Variants in TMEM181 observed in about 807,000 individuals in gnomAD.
TMEM181 encodes G protein-coupled receptor 178.
TMEM181 carries 39 observed loss-of-function variants against 71.9 expected under a neutral mutation model. That is an observed-to-expected ratio of 0.54 (90% CI 0.42 to 0.71). The LOEUF (loss-of-function observed/expected upper bound fraction) is 0.71. TMEM181 is among the 30% of genes least tolerant of loss of function. The probability of loss-of-function intolerance (pLI) is 0.00; values close to 1 mark genes in which losing one functional copy is unlikely to be tolerated. For missense variants in TMEM181, 595 were observed against 583.0 expected (o/e 1.02, Z -0.21); for synonymous variants, 245 against 228.8 (o/e 1.07, Z -0.64).
At chr6:158,556,125 A>T (rs1781876412), upstream of TMEM181, among the ~76,000 whole-genome samples, 1 of 152,214 alleles carries the variant, frequency 6.6e-6, no homozygotes, top group Admixed American at 6.5e-5. Context: ...CAGAAAAGAC[A>T]AAAAAGTCTT....
chr6:158,628,743 C>T (rs565055155), intron 14 of TMEM181, among the ~76,000 whole-genome samples: 35 of 152,316 alleles, frequency 2.3e-4, no homozygotes, highest in African/African-American at 7.0e-4. Context: ...TGGCAGAGCC[C>T]GGCTCCAAAC....
Position 158,611,707 on chromosome 6 carries a change from G to A in TMEM181, c.896+2957G>A, listed in dbSNP as rs187474275. The A allele has an allele frequency of 2.1e-5, 5 of 238,940 alleles. 1 individual carries two copies. The highest frequency in any genetic ancestry group is 1.2e-4 in the East Asian group (1 of 8,356). 14.8% of individuals were successfully genotyped at this position (238,940 alleles called of 1,614,324 possible). A position where few individuals can be genotyped will look rare whatever the true frequency, so the allele number is the denominator to read the frequency against. ...CCCACACCTGTGCCCGAGGAATGCCGGGGAGGAATGTAAGAGTTAAAGAAA... is the reference window on the plus strand; with the variant it reads ...CCCACACCTGTGCCCGAGGAATGCCAGGGAGGAATGTAAGAGTTAAAGAAA... On this transcript the variant is annotated intron_variant, in intron 10 of 16. Coordinates refer to ENST00000684151, the MANE Select transcript of TMEM181 (RefSeq NM_001376852.1).
intron 6 of TMEM181, among the ~76,000 whole-genome samples, chr6:158,595,800 A>G (rs1784356247): frequency 6.6e-6 from 1 of 152,198 alleles, no homozygotes; most frequent in African/African-American, 2.4e-5. Flanking sequence ...GGGAGCATCA[A>G]GCGGGGGGCT....
intron 13 of TMEM181, among the ~76,000 whole-genome samples, chr6:158,627,323 G>A (rs1238492418): frequency 1.3e-5 from 2 of 152,184 alleles, no homozygotes; most frequent in Non-Finnish European, 2.9e-5. Flanking sequence ...GGTGTTAGGG[G>A]ACTCATTTAT....
intron 1 of TMEM181, among the ~76,000 whole-genome samples, chr6:158,553,053 T>G (rs1289000982): frequency 5.3e-5 from 8 of 151,824 alleles, no homozygotes; most frequent in Non-Finnish European, 8.8e-5. Flanking sequence ...CCGGGTGTGG[T>G]GGTGTGTGCC....
intron 1 of TMEM181, chr6:158,572,316 T>C (rs1225460142): frequency 2.3e-6 from 1 of 440,196 alleles, no homozygotes; most frequent in Non-Finnish European, 4.6e-6. Flanking sequence ...GAGCATACTA[T>C]GTCCATCTCC....
At chr6:158,568,134 T>C (rs1353087147) in intron 1 of TMEM181, among the ~76,000 whole-genome samples, 2 of 151,362 alleles carry the variant, frequency 1.3e-5, no homozygotes, top group Admixed American at 1.3e-4. Context: ...TGGCTGAAAG[T>C]GTGGAAGGAG....
At position 158,540,391 on chromosome 6, in the gene TMEM181, A is replaced by G. The variant is rs78492818; in HGVS notation, c.131+3526A>G. Reference sequence around the variant, plus strand: ...GTATATGCCCTGCAGAAATGCATACATGGGGCCATCAGAAGACGTACTAAA... The same window carrying G: ...GTATATGCCCTGCAGAAATGCATACGTGGGGCCATCAGAAGACGTACTAAA... On this transcript the variant is annotated intron_variant, in intron 1 of 16. Transcript: ENST00000367090. Among the ~76,000 whole-genome samples the G allele has an allele frequency of 1.1e-4, 17 of 152,332 alleles. No homozygotes were observed. The East Asian group carries it at 2.9e-3, about 26-fold the overall frequency.
intron 1 of TMEM181, among the ~76,000 whole-genome samples, chr6:158,540,531 A>G (rs979351234): frequency 1.3e-5 from 2 of 152,246 alleles, no homozygotes; most frequent in Non-Finnish European, 2.9e-5. Flanking sequence ...CTGTAATCCC[A>G]GCACTTTGGG....
intron 6 of TMEM181, among the ~76,000 whole-genome samples, chr6:158,602,407 A>G (rs1784718268): frequency 6.6e-6 from 1 of 152,212 alleles, no homozygotes; most frequent in African/African-American, 2.4e-5. Context: ...TAAATGCTAG[A>G]AATGGAATGG....
chr6:158,595,771 G>A (rs761097840), intron 6 of TMEM181, among the ~76,000 whole-genome samples: 9 of 152,186 alleles, frequency 5.9e-5, no homozygotes, highest in Middle Eastern at 3.4e-3. Flanking sequence ...GTTCCTCTGG[G>A]GTAGGTTAGT....
chr6:158,588,697 C>T (rs1783927222), intron 5 of TMEM181, among the ~76,000 whole-genome samples: 1 of 152,248 alleles, frequency 6.6e-6, no homozygotes, highest in South Asian at 2.1e-4. Context: ...ATCCGCCTGC[C>T]TTGGCCTCCC....
chr6:158,595,982 C>T (rs1204188932), intron 6 of TMEM181, among the ~76,000 whole-genome samples: 4 of 152,132 alleles, frequency 2.6e-5, no homozygotes, highest in African/African-American at 7.2e-5. Context: ...AGTGCAGTGG[C>T]GCGATCTCGG....
chr6:158,573,431 T>G lies in TMEM181; in HGVS notation c.20T>G (p.Met7Arg). 2.5e-6 allele frequency: 4 copies of G among 1,582,478 alleles called. No homozygotes were observed. The highest frequency in any genetic ancestry group is 3.4e-6 in the Non-Finnish European group (4 of 1,165,894). Residue 7 changes from methionine to arginine, a missense_variant, in exon 2 of 17, where the codon ATG becomes AGG. By Grantham distance (91) the Met-to-Arg change is moderately conservative. Coordinates refer to ENST00000684151, the MANE Select transcript of TMEM181 (RefSeq NM_001376852.1). ...GCTTCTGCCCCCAGGCTGGCGCCCATGCGGCTCTACACGCTCTCCAAGCGC... is the reference window on the plus strand; with the variant it reads ...GCTTCTGCCCCCAGGCTGGCGCCCAGGCGGCTCTACACGCTCTCCAAGCGC... Reference protein sequence around the residue: MEPLAPMRLYTLSKRHF... With the variant: MEPLAPRRLYTLSKRHF...
At chr6:158,613,177 T>G (rs1785424551) in intron 10 of TMEM181, among the ~76,000 whole-genome samples, 2 of 152,200 alleles carry the variant, frequency 1.3e-5, no homozygotes, top group Admixed American at 6.5e-5. Flanking sequence ...TAATTTAAAC[T>G]GTCGAAAACC....
At chr6:158,619,271 C>G (rs1785808048) in intron 10 of TMEM181, among the ~76,000 whole-genome samples, 2 of 152,174 alleles carry the variant, frequency 1.3e-5, no homozygotes, top group Admixed American at 1.3e-4. Flanking sequence ...ACCCTTTCTT[C>G]CACTTGATCG....
chr6:158,587,514 AAC>A (rs1783836789), intron 5 of TMEM181, among the ~76,000 whole-genome samples: 1 of 151,642 alleles, frequency 6.6e-6, no homozygotes, highest in Non-Finnish European at 1.5e-5. Flanking sequence ...TTTTTTTTTA[AAC>A]ACACAGTCTT....
At chr6:158,536,643 A>T (rs776326991) in exon 1 of TMEM181, 10 of 1,462,340 alleles carry the variant, frequency 6.8e-6, no homozygotes, top group Non-Finnish European at 9.1e-6. Context: ...GCGCGCCAGC[A>T]GCCCGATCCC....
At chr6:158,628,515 G>A in intron 14 of TMEM181, 25 bp downstream of exon 14, 1 of 1,606,892 alleles carries the variant, frequency 6.2e-7, no homozygotes, top group South Asian at 1.1e-5. Context: ...GGAGGGCCCT[G>A]GCTGCAGGAC....
Sources: gnomAD v4.1 joint callset for allele counts (sites outside exome capture counted in the v4.1 genomes callset) on GRCh38, gnomAD v4.1.1 for gene constraint, MANE v1.5 for transcripts, NCBI Gene and HGNC (gene_info 2026-07-23, HGNC 2026-07-21) for gene names.